The following ADAMTS3 variants were observed in gnomAD, a reference collection of about 807,000 sequenced individuals.
The protein encoded by ADAMTS3 is ADAM metallopeptidase with thrombospondin type 1 motif 3.
In ADAMTS3, 73 loss-of-function variants were observed where a neutral mutation model predicts 129.0. The observed-to-expected ratio is 0.57, with a 90% CI of 0.47 to 0.69. The LOEUF (loss-of-function observed/expected upper bound fraction) is 0.69, where lower values mean the gene tolerates loss of function less well. ADAMTS3 is among the 30% of genes least tolerant of loss of function. The probability of loss-of-function intolerance (pLI) is 0.00; values close to 1 mark genes in which losing one functional copy is unlikely to be tolerated. For missense variants in ADAMTS3, 1,457 were observed against 1,514.5 expected, an observed-to-expected ratio of 0.96 and a Z score of 0.63; for synonymous variants, 477 against 510.8, an observed-to-expected ratio of 0.93 and a Z score of 0.89.
At chr4:72,406,150 C>T (rs1007062906) in intron 4 of ADAMTS3, among the ~76,000 whole-genome samples, 2 of 152,028 alleles carry the variant, frequency 1.3e-5, no homozygotes, top group East Asian at 3.9e-4. Context: ...ATAGGCTGGA[C>T]AAATAGCAGT....
intron 14 of ADAMTS3, among the ~76,000 whole-genome samples, chr4:72,310,428 T>C (rs1195691637): frequency 6.6e-6 from 1 of 152,116 alleles, no homozygotes; most frequent in Non-Finnish European, 1.5e-5. Flanking sequence ...GACTCATTAA[T>C]ACAGCACTTC....
At chr4:72,433,505 A>T (rs1289161091) in intron 3 of ADAMTS3, among the ~76,000 whole-genome samples, 5 of 151,936 alleles carry the variant, frequency 3.3e-5, no homozygotes, top group Non-Finnish European at 5.9e-5. Flanking sequence ...TTAAATAGCT[A>T]CATTTGTTGA....
In ADAMTS3 at chr4:72,283,315, C is replaced by A; in HGVS notation, c.3439G>T (p.Val1147Leu). The change falls in exon 22 of 22, where the codon GTA (valine) becomes TTA (leucine). Residue 1147 changes from valine (V) to leucine (L), a missense_variant. Val to Leu is a conservative substitution (Grantham distance 32). Transcript: ENST00000286657. Reference sequence around the variant, plus strand: ...CTCTTGGTGGGTGGGGAGGATGGTACGGTGACCAGTCTCACAGTCTTACTT... The same window carrying A: ...CTCTTGGTGGGTGGGGAGGATGGTAAGGTGACCAGTCTCACAGTCTTACTT... ...AGSKTVRLVTVPSSPPTKRVH... is the reference protein window; with the variant it reads ...AGSKTVRLVTLPSSPPTKRVH... The A allele has an allele frequency of 6.2e-7, 1 of 1,613,870 alleles. No homozygotes were observed. Among genetic ancestry groups the A allele is most frequent in the Non-Finnish European group, 8.5e-7 (1 of 1,179,914 alleles).
intron 2 of ADAMTS3, among the ~76,000 whole-genome samples, chr4:72,561,998 C>G (rs1170987304): frequency 6.6e-6 from 1 of 152,184 alleles, no homozygotes; most frequent in Non-Finnish European, 1.5e-5. Context: ...TGCTAGGAAA[C>G]TTCCCGTGCT....
At position 72,471,447 on chromosome 4, in the gene ADAMTS3, T is replaced by C. The variant is rs541925804; in HGVS notation, c.505-56476A>G. On this transcript the variant is annotated intron_variant, in intron 3 of 21. Coordinates refer to ENST00000286657, the MANE Select transcript of ADAMTS3 (RefSeq NM_014243.3). ...ATGCTTTTGGATTCCACATTGCATCTAGTATTTAGAGTGCTAGTATTTGTT... is the reference window on the plus strand; with the variant it reads ...ATGCTTTTGGATTCCACATTGCATCCAGTATTTAGAGTGCTAGTATTTGTT... Among the ~76,000 whole-genome samples the C allele has an allele frequency of 2.0e-4, 30 of 152,214 alleles. 1 individual carries two copies. In the East Asian group the frequency reaches 5.0e-3, roughly 26 times the overall value.
chr4:72,518,100 T>TAGTC (rs1464701921), intron 3 of ADAMTS3, among the ~76,000 whole-genome samples: 2 of 152,214 alleles, frequency 1.3e-5, no homozygotes, highest in Non-Finnish European at 2.9e-5. Flanking sequence ...ATATACCCAG[T>TAGTC]AGTCATTCAG....
intron 3 of ADAMTS3, among the ~76,000 whole-genome samples, chr4:72,515,272 T>G (rs1321648236): frequency 1.3e-5 from 2 of 151,802 alleles, no homozygotes; most frequent in African/African-American, 4.8e-5. Context: ...TCTTTGCTAT[T>G]GTGAATAGTG....
At chr4:72,521,669 A>G (rs1720675589) in intron 3 of ADAMTS3, among the ~76,000 whole-genome samples, 1 of 152,160 alleles carries the variant, frequency 6.6e-6, no homozygotes, top group African/African-American at 2.4e-5. Context: ...TTATACATAA[A>G]AGTACCCCAA....
At chr4:72,414,169 G>A (rs1366203090) in intron 4 of ADAMTS3, among the ~76,000 whole-genome samples, 1 of 151,026 alleles carries the variant, frequency 6.6e-6, no homozygotes, top group African/African-American at 2.4e-5. Context: ...TCTCCCCAAA[G>A]GAAATTTTAT....
intron 4 of ADAMTS3, among the ~76,000 whole-genome samples, chr4:72,387,804 T>C (rs1157338923): frequency 6.6e-6 from 1 of 152,168 alleles, no homozygotes; most frequent in African/African-American, 2.4e-5. Context: ...TCCTAGTTGA[T>C]TAAAATGCTC....
chr4:72,494,673 C>A (rs1418617443), intron 3 of ADAMTS3, among the ~76,000 whole-genome samples: 1 of 152,136 alleles, frequency 6.6e-6, no homozygotes, highest in African/African-American at 2.4e-5. Context: ...TTGACATCTG[C>A]ACATTTGAGG....
intron 3 of ADAMTS3, among the ~76,000 whole-genome samples, chr4:72,497,965 G>T (rs536358440): frequency 6.6e-6 from 1 of 152,022 alleles, no homozygotes; most frequent in East Asian, 1.9e-4. Flanking sequence ...GCTTTCAAAG[G>T]CTATGGCAAT....
intron 4 of ADAMTS3, among the ~76,000 whole-genome samples, chr4:72,359,255 C>G (rs1720659101): frequency 6.6e-6 from 1 of 152,046 alleles, no homozygotes; most frequent in African/African-American, 2.4e-5. Context: ...ATATCATGAG[C>G]CTTGCAAAAT....
At chr4:72,313,907 G>T (rs1719315741) in intron 11 of ADAMTS3, 85 bp from the exon 12 acceptor site, 1 of 1,465,310 alleles carries the variant, frequency 6.8e-7, no homozygotes, top group Non-Finnish European at 9.4e-7. Context: ...TAGTTGAAGG[G>T]CTTTCTTACT....
At chr4:72,375,033 G>A (rs1721103294) in intron 4 of ADAMTS3, among the ~76,000 whole-genome samples, 1 of 152,060 alleles carries the variant, frequency 6.6e-6, no homozygotes, top group East Asian at 1.9e-4. Context: ...AATCTTAGCT[G>A]CTAGCCTTGA....
intron 3 of ADAMTS3, among the ~76,000 whole-genome samples, chr4:72,451,642 C>T (rs1348269697): frequency 1.3e-5 from 2 of 151,804 alleles, no homozygotes; most frequent in African/African-American, 4.8e-5. Flanking sequence ...GTTACACTTA[C>T]TGATTCCAAA....
At chr4:72,501,016 C>A (rs1359738107) in intron 3 of ADAMTS3, among the ~76,000 whole-genome samples, 1 of 152,090 alleles carries the variant, frequency 6.6e-6, no homozygotes, top group East Asian at 1.9e-4. Flanking sequence ...GTTACTGTAG[C>A]CTTATTGTAT....
chr4:72,453,667 C>A (rs1234549778), intron 3 of ADAMTS3, among the ~76,000 whole-genome samples: 1 of 151,492 alleles, frequency 6.6e-6, no homozygotes, highest in Non-Finnish European at 1.5e-5. Flanking sequence ...ATACAAAGTG[C>A]TATGGTCCCA....
intron 4 of ADAMTS3, among the ~76,000 whole-genome samples, chr4:72,403,201 G>T (rs900639426): frequency 6.6e-6 from 1 of 152,014 alleles, no homozygotes; most frequent in Non-Finnish European, 1.5e-5. Flanking sequence ...TACTGAGTGA[G>T]GCCTGGACAT....
Sources: allele counts gnomAD v4.1 joint callset (sites outside exome capture counted in the v4.1 genomes callset), GRCh38; gene constraint gnomAD v4.1.1; transcripts MANE v1.5; gene names NCBI Gene and HGNC (gene_info 2026-07-23, HGNC 2026-07-21).